The following SLC5A4 variants were observed in gnomAD, a reference collection of about 807,000 sequenced individuals.
The protein encoded by SLC5A4 is solute carrier family 5 member 4.
SLC5A4 carries 55 observed loss-of-function variants against 70.3 expected under a neutral mutation model. That is an observed-to-expected ratio of 0.78 (90% confidence interval 0.63 to 0.98). SLC5A4 has a LOEUF of 0.98. SLC5A4 is among the 50% of genes least tolerant of loss of function. The pLI, the probability that SLC5A4 is intolerant of heterozygous loss-of-function variation, is 0.00. For missense variants in SLC5A4, 735 were observed against 839.2 expected (o/e 0.88, Z 1.53); for synonymous variants, 268 against 305.7 (o/e 0.88, Z 1.29).
chr22:32,333,166 C>T, the SLC5A4 span, among the ~76,000 whole-genome samples: 1 of 151,502 alleles, frequency 6.6e-6, no homozygotes, highest in East Asian at 2.0e-4. Context: ...TGCCGGGACT[C>T]CCAGCCCAGG....
At chr22:32,321,223 T>C in the SLC5A4 span, among the ~76,000 whole-genome samples, 3 of 152,056 alleles carry the variant, frequency 2.0e-5, no homozygotes, top group Non-Finnish European at 2.9e-5. Flanking sequence ...GAGGCGGAGG[T>C]TGCGGTGAGC....
intron 3 of SLC5A4, 122 bp downstream of exon 3, chr22:32,251,648 G>T: frequency 1.4e-6 from 1 of 704,174 alleles, no homozygotes; most frequent in Non-Finnish European, 2.5e-6. Flanking sequence ...AGAGCTGTCA[G>T]AGATACATTT....
At chr22:32,353,822 C>T in the SLC5A4 span, among the ~76,000 whole-genome samples, 458 of 151,768 alleles carry the variant, frequency 3.0e-3, 2 homozygotes, top group Non-Finnish European at 5.7e-3. Flanking sequence ...ACGAATAGTG[C>T]CCCCAACCAG....
the SLC5A4 span, among the ~76,000 whole-genome samples, chr22:32,306,881 A>T: frequency 6.7e-6 from 1 of 149,692 alleles, no homozygotes; most frequent in Admixed American, 6.8e-5. Context: ...ACTGGGTATG[A>T]GAAACTGACA....
At chr22:32,346,010 A>G in the SLC5A4 span, among the ~76,000 whole-genome samples, 1 of 152,230 alleles carries the variant, frequency 6.6e-6, no homozygotes, top group Non-Finnish European at 1.5e-5. Context: ...AGAATAACAT[A>G]CATTAAAAAA....
chr22:32,262,017 C>A, the SLC5A4 span, among the ~76,000 whole-genome samples: 8 of 152,124 alleles, frequency 5.3e-5, no homozygotes, highest in South Asian at 2.1e-4. Context: ...CTTTTTTATG[C>A]CTGAATAGTA....
the SLC5A4 span, among the ~76,000 whole-genome samples, chr22:32,321,838 TAC>T: frequency 6.6e-6 from 1 of 152,248 alleles, no homozygotes; most frequent in African/African-American, 2.4e-5. Context: ...ATGGTGCCTA[TAC>T]AGTCTTCCAT....
At chr22:32,316,389 C>G in the SLC5A4 span, among the ~76,000 whole-genome samples, 2 of 152,062 alleles carry the variant, frequency 1.3e-5, no homozygotes, top group African/African-American at 4.8e-5. Flanking sequence ...AAGAAGGGCA[C>G]TGTGTGAGGG....
At chr22:32,326,734 T>C in the SLC5A4 span, among the ~76,000 whole-genome samples, 5 of 151,966 alleles carry the variant, frequency 3.3e-5, no homozygotes, top group African/African-American at 1.2e-4. Context: ...GCTGACACGA[T>C]AGAGTTGAGG....
the SLC5A4 span, among the ~76,000 whole-genome samples, chr22:32,341,179 A>G: frequency 2.6e-5 from 4 of 152,038 alleles, no homozygotes; most frequent in African/African-American, 9.7e-5. Flanking sequence ...CAAGGGAGAG[A>G]GACCAGGGGA....
Position 32,224,467 on chromosome 22 carries a change from G to A in SLC5A4, c.1465C>T (p.Leu489=). The part of the protein sequence containing the change: ...RVNEQGAFWG[L]MVGLAMGLIR... ...AGGCCCATTGCAAGTCCAACCATTA[G>A]ACCCCAGAATGCTCCCTGCAAAAGA... Residue 489 remains leucine, a synonymous_variant, in exon 13 of 15, where the codon CTA becomes TTA. Transcript: ENST00000266086. 1 of 1,613,534 alleles carries A rather than the reference G, an allele frequency of 6.2e-7. No homozygotes were observed. Among genetic ancestry groups the A allele is most frequent in the South Asian group, 1.1e-5 (1 of 91,056 alleles).
In SLC5A4 at chr22:32,229,196, T is replaced by A. The variant is rs372543267; in HGVS notation, c.1278A>T (p.Gly426=). The A allele has an allele frequency of 1.5e-5, 24 of 1,613,728 alleles. No individual in the cohort carries two copies. Among genetic ancestry groups the A allele is most frequent in the Non-Finnish European group, 2.0e-5 (24 of 1,179,810 alleles). Residue 426 remains glycine (G), a splice_region_variant and synonymous_variant, in exon 11 of 15, where the codon GGA becomes GGT. Transcript: ENST00000266086. ...QASEKELLIA[G]RIFVLLLTVV... ...GGTGGGAACCAGGGTTCACTCACCG[T>A]CCAGCTATCAGGAGCTCTTTCTCCG...
chr22:32,271,566 G>A, the SLC5A4 span: 5 of 703,012 alleles, frequency 7.1e-6, no homozygotes, highest in East Asian at 3.0e-5. Context: ...GGAGAGGGTC[G>A]GGCCCGGGGC....
chr22:32,327,782 CAG>C, the SLC5A4 span, among the ~76,000 whole-genome samples: 1 of 152,268 alleles, frequency 6.6e-6, no homozygotes, highest in African/African-American at 2.4e-5. Flanking sequence ...TAGTCACTCT[CAG>C]GGGATGTCAG....
the SLC5A4 span, among the ~76,000 whole-genome samples, chr22:32,282,721 T>C: frequency 1.3e-5 from 2 of 152,086 alleles, no homozygotes; most frequent in African/African-American, 4.8e-5. Flanking sequence ...ACTCCTCATC[T>C]CCTCCCACCT....
At chr22:32,352,476 C>A in the SLC5A4 span, among the ~76,000 whole-genome samples, 3 of 152,080 alleles carry the variant, frequency 2.0e-5, no homozygotes, top group Non-Finnish European at 4.4e-5. Context: ...TAGTTACCCC[C>A]CAAACTTCTG....
chr22:32,348,182 C>T, the SLC5A4 span, among the ~76,000 whole-genome samples: 9 of 152,288 alleles, frequency 5.9e-5, no homozygotes, highest in South Asian at 1.2e-3. Context: ...TCCAGGACAC[C>T]TCCAGGGCCC....
the SLC5A4 span, among the ~76,000 whole-genome samples, chr22:32,313,542 G>A: frequency 5.3e-5 from 8 of 152,208 alleles, no homozygotes; most frequent in African/African-American, 7.2e-5. Flanking sequence ...AGAGCCAGGA[G>A]AGCAGTGGAA....
At chr22:32,299,221 G>C in the SLC5A4 span, among the ~76,000 whole-genome samples, 1 of 140,316 alleles carries the variant, frequency 7.1e-6, no homozygotes, top group African/African-American at 2.7e-5. Context: ...GATTGGGGAA[G>C]TTCTCCTGGA....
Sources: gnomAD v4.1 joint callset for allele counts (sites outside exome capture counted in the v4.1 genomes callset) on GRCh38, gnomAD v4.1.1 for gene constraint, MANE v1.5 for transcripts, NCBI Gene and HGNC (gene_info 2026-07-23, HGNC 2026-07-21) for gene names.